MBTPS1: variants seen among roughly 807,000 people sequenced by gnomAD.
The protein encoded by MBTPS1 is membrane-bound transcription factor site-1 protease.
In MBTPS1, 94 loss-of-function variants were observed where a neutral mutation model predicts 127.8. The observed-to-expected ratio is 0.74, with a 90% confidence interval of 0.62 to 0.87. The LOEUF (loss-of-function observed/expected upper bound fraction) is 0.87, where lower values mean the gene tolerates loss of function less well. Among genes scored for constraint, MBTPS1 ranks in the 40% least tolerant of loss-of-function variants. MBTPS1 has a pLI of 0.00. For synonymous variants in MBTPS1, 632 were observed against 509.4 expected (o/e 1.24, Z -3.24); for missense variants, 1,636 against 1,353.2 (o/e 1.21, Z -3.28).
chr16:84,074,478 C>T, intron 12 of MBTPS1, 119 bp downstream of exon 12: 3 of 973,910 alleles, frequency 3.1e-6, no homozygotes, highest in Non-Finnish European at 4.5e-6. Flanking sequence ...AAGTGATCCT[C>T]TCTCCTCGGC....
At position 84,054,658 on chromosome 16, in the gene MBTPS1, A is replaced by G; in HGVS notation, c.2963-13T>C. The G allele has an allele frequency of 3.2e-6, 5 of 1,569,708 alleles. No individual in the cohort carries two copies. Among genetic ancestry groups the G allele is most frequent in the East Asian group, 2.3e-5 (1 of 43,448 alleles). On this transcript the variant is annotated splice_polypyrimidine_tract_variant and intron_variant, in intron 22 of 22. Coordinates refer to ENST00000343411, the MANE Select transcript of MBTPS1 (RefSeq NM_003791.4). ...CCAGGCATGATCCCTGTAAGAGGAC[A>G]GCCGGTTGAACAGGCAGGAACGCCA... is the stretch of plus-strand genomic sequence containing the variant.
At position 84,080,456 on chromosome 16, in the gene MBTPS1, G is replaced by A. The variant is rs139690352; in HGVS notation, c.1448+1291C>T. ...CACTGAGAAGTCACAAAGGAAACAC[G>A]GGCTGCACAGTGGAGACACCTGGCA... On this transcript the variant is annotated intron_variant, in intron 11 of 22. Coordinates refer to ENST00000343411, the MANE Select transcript of MBTPS1 (RefSeq NM_003791.4). Among the ~76,000 whole-genome samples, 31 of 152,334 alleles carry A rather than the reference G, an allele frequency of 2.0e-4. No homozygotes were observed. The East Asian group carries it at 3.9e-3, about 19-fold the overall frequency.
intron 1 of MBTPS1, among the ~76,000 whole-genome samples, chr16:84,105,111 A>T (rs75224386): frequency 0.011 from 1,619 of 152,164 alleles, 11 homozygotes; most frequent in Non-Finnish European, 0.014. Flanking sequence ...TCAAAAAAAA[A>T]AAATAAATAA....
In MBTPS1 at chr16:84,059,378, G is replaced by T. The variant is rs766765676; in HGVS notation, c.2755C>A (p.Pro919Thr). The T allele has an allele frequency of 6.2e-7, 1 of 1,614,140 alleles. No individual in the cohort carries two copies. Among genetic ancestry groups the T allele is most frequent in the East Asian group, 2.2e-5 (1 of 44,888 alleles). Reference protein sequence around the residue: ...SKVLEAHLGDPKPRPLPACPR... With the variant: ...SKVLEAHLGDTKPRPLPACPR... ...CAGGCTGGTAGAGGCCGAGGTTTTG[G>T]GTCTCCCAAATGGGCCTCCAGAACC... The change falls in exon 21 of 23, where the codon CCA (proline) becomes ACA (threonine). Residue 919 changes from proline (P) to threonine (T), a missense_variant. Coordinates refer to ENST00000343411, the MANE Select transcript of MBTPS1 (RefSeq NM_003791.4).
At chr16:84,082,655 A>G (rs1387543619) in intron 10 of MBTPS1, among the ~76,000 whole-genome samples, 1 of 152,146 alleles carries the variant, frequency 6.6e-6, no homozygotes, top group Admixed American at 6.5e-5. Context: ...AAAAAGGAAA[A>G]CTTAACTCTC....
chr16:84,107,129 G>C (rs375799136), intron 1 of MBTPS1, among the ~76,000 whole-genome samples: 36 of 152,324 alleles, frequency 2.4e-4, no homozygotes, highest in African/African-American at 8.4e-4. Flanking sequence ...AAAAGACAGA[G>C]GGCACAGGAA....
At chr16:84,108,950 G>A (rs61356691) in intron 1 of MBTPS1, among the ~76,000 whole-genome samples, 2 of 152,206 alleles carry the variant, frequency 1.3e-5, no homozygotes, top group African/African-American at 4.8e-5. Context: ...CTGAATTTAA[G>A]GTTTTCAATA....
intron 19 of MBTPS1, among the ~76,000 whole-genome samples, chr16:84,062,786 C>T (rs2085632423): frequency 6.6e-6 from 1 of 152,186 alleles, no homozygotes; most frequent in South Asian, 2.1e-4. Flanking sequence ...GACTGGCATG[C>T]CTATTTGCCT....
At chr16:84,104,683 C>T (rs776930861) in intron 1 of MBTPS1, among the ~76,000 whole-genome samples, 1 of 152,124 alleles carries the variant, frequency 6.6e-6, no homozygotes, top group Non-Finnish European at 1.5e-5. Flanking sequence ...TTTAACACAG[C>T]CCATGCAGAA....
chr16:84,062,677 T>A lies in MBTPS1; in HGVS notation c.2572+628A>T, dbSNP rs62048205. ...CATGGAGCACTTTTACCATTCTTTCTCCCCTTTACAAAATGAGAAAAATAG... is the reference window on the plus strand; with the variant it reads ...CATGGAGCACTTTTACCATTCTTTCACCCCTTTACAAAATGAGAAAAATAG... On this transcript the variant is annotated intron_variant, in intron 19 of 22. Coordinates refer to ENST00000343411, the MANE Select transcript of MBTPS1 (RefSeq NM_003791.4). Among the ~76,000 whole-genome samples, 1,054 of 152,154 alleles carry A rather than the reference T, an allele frequency of 6.9e-3. 11 individuals carry two copies. Among genetic ancestry groups the A allele is most frequent in the African/African-American group, 0.023 (951 of 41,486 alleles).
chr16:84,096,913 T>C (rs529926456), intron 3 of MBTPS1, among the ~76,000 whole-genome samples: 4 of 152,284 alleles, frequency 2.6e-5, no homozygotes, highest in African/African-American at 7.2e-5. Context: ...CCACCTCCAG[T>C]ATTATACTCA....
intron 3 of MBTPS1, among the ~76,000 whole-genome samples, chr16:84,098,063 A>T (rs1182192811): frequency 6.6e-6 from 1 of 152,226 alleles, no homozygotes. Flanking sequence ...TTGGTAACAC[A>T]TATCTTTGGA....
intron 19 of MBTPS1, among the ~76,000 whole-genome samples, chr16:84,061,994 C>T (rs887336487): frequency 1.3e-4 from 20 of 152,158 alleles, no homozygotes; most frequent in African/African-American, 4.6e-4. Flanking sequence ...CCTAGGACCA[C>T]CCTCTCAGGC....
chr16:84,066,959 C>T (rs188104160), intron 16 of MBTPS1, among the ~76,000 whole-genome samples: 22 of 152,080 alleles, frequency 1.4e-4, no homozygotes, highest in Non-Finnish European at 3.2e-4. Context: ...CTAAAGAAAC[C>T]GATTCAAAAC....
intron 12 of MBTPS1, among the ~76,000 whole-genome samples, chr16:84,073,877 G>A (rs1411463019): frequency 6.6e-6 from 1 of 151,968 alleles, no homozygotes; most frequent in Admixed American, 6.6e-5. Flanking sequence ...GTGGTGGCAG[G>A]CACCTGTAAT....
intron 1 of MBTPS1, among the ~76,000 whole-genome samples, chr16:84,104,627 G>T (rs2086298796): frequency 6.6e-6 from 1 of 152,152 alleles, no homozygotes; most frequent in Non-Finnish European, 1.5e-5. Context: ...AATTCAACCT[G>T]TTCTAAAATA....
intron 1 of MBTPS1, among the ~76,000 whole-genome samples, chr16:84,114,225 T>C (rs954258155): frequency 3.3e-5 from 5 of 152,036 alleles, no homozygotes; most frequent in Non-Finnish European, 7.4e-5. Flanking sequence ...CCTCCCAAAG[T>C]GCTGGGATTA....
chr16:84,071,147 C>G (rs2085764736), intron 12 of MBTPS1, among the ~76,000 whole-genome samples: 1 of 152,180 alleles, frequency 6.6e-6, no homozygotes, highest in South Asian at 2.1e-4. Context: ...TAGTTGTATG[C>G]TTTAAAAAAA....
At chr16:84,077,038 C>A (rs1345516146) in intron 11 of MBTPS1, among the ~76,000 whole-genome samples, 1 of 152,008 alleles carries the variant, frequency 6.6e-6, no homozygotes, top group Non-Finnish European at 1.5e-5. Flanking sequence ...CCAGCCTGGG[C>A]AACATGGCAA....
Sources: allele counts gnomAD v4.1 joint callset (sites outside exome capture counted in the v4.1 genomes callset), GRCh38; gene constraint gnomAD v4.1.1; transcripts MANE v1.5; gene names NCBI Gene and HGNC (gene_info 2026-07-23, HGNC 2026-07-21).